MAPK10: variants seen among roughly 807,000 people sequenced by gnomAD.
MAPK10 encodes the protein JNK3 alpha protein kinase.
A neutral mutation model predicts 59.3 loss-of-function variants in MAPK10; 25 were observed. The observed-to-expected ratio is 0.42, with a 90% CI of 0.31 to 0.59. The LOEUF is 0.59. Among genes scored for constraint, MAPK10 ranks in the 20% least tolerant of loss-of-function variants. The probability of loss-of-function intolerance (pLI) is 0.15; values close to 1 mark genes in which losing one functional copy is unlikely to be tolerated. For missense variants in MAPK10, 351 were observed against 568.9 expected (o/e 0.62, Z 3.90); for synonymous variants, 190 against 200.5 (o/e 0.95, Z 0.44).
intron 1 of MAPK10, among the ~76,000 whole-genome samples, chr4:86,403,165 T>C (rs1743934997): frequency 6.6e-6 from 1 of 152,148 alleles, no homozygotes; most frequent in South Asian, 2.1e-4. Context: ...TGCTGGATGA[T>C]ATGGGAAAAG....
intron 1 of MAPK10, among the ~76,000 whole-genome samples, chr4:86,399,031 G>C (rs748956264): frequency 1.3e-5 from 2 of 152,142 alleles, no homozygotes; most frequent in Non-Finnish European, 2.9e-5. Context: ...GGTTGATTCT[G>C]TCTTTGCTAT....
At chr4:86,494,020 T>C (rs895386470) in intron 1 of MAPK10, among the ~76,000 whole-genome samples, 3 of 152,202 alleles carry the variant, frequency 2.0e-5, no homozygotes, top group African/African-American at 7.2e-5. Flanking sequence ...CTTCAGCTTC[T>C]ATGTAAGATG....
intron 4 of MAPK10, among the ~76,000 whole-genome samples, chr4:86,116,153 T>C (rs937997623): frequency 6.6e-6 from 1 of 152,190 alleles, no homozygotes; most frequent in Non-Finnish European, 1.5e-5. Flanking sequence ...TGGCAATCAG[T>C]CATGAAGGCA....
intron 3 of MAPK10, chr4:86,171,094 T>C (rs1270359847): frequency 6.6e-6 from 1 of 152,012 alleles, no homozygotes; most frequent in Admixed American, 6.6e-5. Context: ...GGGAAATTTA[T>C]AGCACTAAAT....
intron 3 of MAPK10, chr4:86,164,501 A>C (rs1323041939): frequency 1.3e-5 from 2 of 152,154 alleles, no homozygotes; most frequent in Non-Finnish European, 2.9e-5. Context: ...AATTCATAGG[A>C]AAGATAAAAT....
intron 2 of MAPK10, among the ~76,000 whole-genome samples, chr4:86,214,615 C>A (rs2086887412): frequency 6.7e-6 from 1 of 149,384 alleles, no homozygotes; most frequent in African/African-American, 2.5e-5. Flanking sequence ...TTTCTATACA[C>A]TAACAATGAA....
At chr4:86,270,644 T>G (rs2094406014) in intron 2 of MAPK10, among the ~76,000 whole-genome samples, 1 of 152,016 alleles carries the variant, frequency 6.6e-6, no homozygotes, top group African/African-American at 2.4e-5. Context: ...ATATCCCAGA[T>G]GTTAACCCAG....
At chr4:86,092,468 G>T (rs1298510420) in intron 9 of MAPK10, among the ~76,000 whole-genome samples, 1 of 151,876 alleles carries the variant, frequency 6.6e-6, no homozygotes, top group Non-Finnish European at 1.5e-5. Flanking sequence ...TCATGAATTT[G>T]CCATCTCCAC....
intron 3 of MAPK10, among the ~76,000 whole-genome samples, chr4:86,162,801 G>A (rs1311242295): frequency 6.6e-6 from 1 of 151,998 alleles, no homozygotes; most frequent in South Asian, 2.1e-4. Flanking sequence ...CTTGATCTGT[G>A]TTTTCCCCAA....
chr4:86,017,922 C>G lies in MAPK10; in HGVS notation c.1253-552G>C, dbSNP rs1034140603. On this transcript the variant is annotated intron_variant, in intron 13 of 13. Transcript: ENST00000641462. This position sits in a 1 kb window ranked among gnomAD's most constrained non-coding sequence, Gnocchi z 4.4. The stretch of plus-strand genomic sequence containing the variant: ...ACTTTTAGTAGAGATGAGGTTTCAA[C>G]ATGTTGGCCAGAATGGTCTCGATCT... Among the ~76,000 whole-genome samples the G allele has an allele frequency of 2.0e-5, 3 of 152,154 alleles. No individual in the cohort carries two copies.
At chr4:86,583,471 G>A (rs1269358092) in intron 1 of MAPK10, among the ~76,000 whole-genome samples, 2 of 152,144 alleles carry the variant, frequency 1.3e-5, no homozygotes, top group African/African-American at 4.8e-5. Context: ...ATACTAGAGA[G>A]AAGTCTTTTG....
At chr4:86,587,075 A>G (rs562728064) in intron 1 of MAPK10, among the ~76,000 whole-genome samples, 84 of 152,326 alleles carry the variant, frequency 5.5e-4, no homozygotes, top group African/African-American at 2.0e-3. Context: ...GTTTTCATGC[A>G]TATATTGTAT....
At chr4:86,293,621 T>C (rs923834371) in intron 2 of MAPK10, among the ~76,000 whole-genome samples, 1 of 152,122 alleles carries the variant, frequency 6.6e-6, no homozygotes, top group Admixed American at 6.5e-5. Flanking sequence ...TTTGGTTGGC[T>C]CATGGTTCTG....
At chr4:86,206,851 G>A (rs532777479) in intron 2 of MAPK10, among the ~76,000 whole-genome samples, 3 of 152,316 alleles carry the variant, frequency 2.0e-5, no homozygotes, top group Admixed American at 6.5e-5. Context: ...CTTCTTTTGA[G>A]AAGTGTCTGT....
intron 13 of MAPK10, chr4:86,026,942 T>C (rs986948968): frequency 6.6e-6 from 1 of 152,160 alleles, no homozygotes; most frequent in Admixed American, 6.5e-5. Context: ...CCAATTTCCA[T>C]GTTGTAAATC....
intron 1 of MAPK10, among the ~76,000 whole-genome samples, chr4:86,516,760 T>C (rs1756697516): frequency 6.6e-6 from 1 of 152,174 alleles, no homozygotes; most frequent in African/African-American, 2.4e-5. Context: ...GTACATGATA[T>C]TTTTATCCTG....
At chr4:86,133,878 T>C (rs183946689) in intron 4 of MAPK10, among the ~76,000 whole-genome samples, 1 of 152,340 alleles carries the variant, frequency 6.6e-6, no homozygotes. Context: ...CCATAAATAA[T>C]GATTCTCGGG....
chr4:86,348,438 T>C (rs960186994), intron 2 of MAPK10, among the ~76,000 whole-genome samples: 1 of 152,170 alleles, frequency 6.6e-6, no homozygotes, highest in Non-Finnish European at 1.5e-5. Context: ...TGTTAGCCAC[T>C]ATTGTAGTTC....
upstream of MAPK10, among the ~76,000 whole-genome samples, chr4:86,360,708 A>C (rs2904101): frequency 0.73 from 111,525 of 151,932 alleles, 41,581 homozygotes; most frequent in South Asian, 0.91. Context: ...AGAACTGATG[A>C]AAATTGTACT....
Sources: allele counts gnomAD v4.1 joint callset (sites outside exome capture counted in the v4.1 genomes callset), GRCh38; gene constraint gnomAD v4.1.1; non-coding constraint Gnocchi (gnomAD v3.1); transcripts MANE v1.5; gene names NCBI Gene and HGNC (gene_info 2026-07-23, HGNC 2026-07-21).